Variants in RBFOX3 observed in about 807,000 individuals in gnomAD.
RBFOX3 encodes RNA binding fox-1 homolog 3, also known as RNA binding protein fox-1 homolog 3.
In RBFOX3, 17 loss-of-function variants were observed where a neutral mutation model predicts 48.7. The observed-to-expected ratio is 0.35, with a 90% CI of 0.24 to 0.52. RBFOX3 has a LOEUF of 0.52. Among genes scored for constraint, RBFOX3 ranks in the 20% least tolerant of loss-of-function variants. The pLI is 0.94. For synonymous variants in RBFOX3, 212 were observed against 209.5 expected, an observed-to-expected ratio of 1.01 and a Z score of -0.10; for missense variants, 382 against 497.5, an observed-to-expected ratio of 0.77 and a Z score of 2.21.
Position 79,090,403 on chromosome 17 carries a change from C to G in RBFOX3, c.*480G>C, listed in dbSNP as rs1568103523. 6.4e-6 allele frequency: 1 copy of G among 156,630 alleles called. No individual in the cohort carries two copies. Among genetic ancestry groups the G allele is most frequent in the African/African-American group, 2.4e-5 (1 of 41,676 alleles). The allele number at this position is 156,630 out of a possible 1,614,324, so 9.7% of individuals were successfully genotyped here. A position where few individuals can be genotyped will look rare whatever the true frequency, so the allele number is the denominator to read the frequency against. On this transcript the variant is annotated 3_prime_UTR_variant, in exon 15 of 15. Coordinates refer to ENST00000693108, the MANE Select transcript of RBFOX3 (RefSeq NM_001350451.2). ...AAGCTGCCCGCACCCCTCAGCCCCG[C>G]CGGCCCCCTGGCACAGCTGGCCACA...
chr17:79,549,278 G>T (rs1271478032), intron 1 of RBFOX3, among the ~76,000 whole-genome samples: 1 of 152,224 alleles, frequency 6.6e-6, no homozygotes, highest in Non-Finnish European at 1.5e-5. Flanking sequence ...CAGCCTGCAG[G>T]TAGGAGCCTA....
chr17:79,626,904 G>A, the RBFOX3 span, among the ~76,000 whole-genome samples: 7 of 152,242 alleles, frequency 4.6e-5, no homozygotes, highest in South Asian at 1.4e-3. Flanking sequence ...AAGACCCATG[G>A]AAGCCTGGAG....
chr17:79,132,408 G>A (rs534534849), intron 4 of RBFOX3, among the ~76,000 whole-genome samples: 7 of 152,350 alleles, frequency 4.6e-5, no homozygotes, highest in South Asian at 2.1e-4. Flanking sequence ...CGTCCCTGCC[G>A]TGGTCTGAGG....
chr17:79,229,385 CATCTCTACTAAAAA>C (rs572159234), intron 4 of RBFOX3, among the ~76,000 whole-genome samples: 2,397 of 151,186 alleles, frequency 0.016, 42 homozygotes, highest in Non-Finnish European at 0.023. Flanking sequence ...GGTGAAACAC[CATCTCTACTAAAAA>C]TACAAAAAAA....
chr17:79,219,108 C>CT lies in RBFOX3; in HGVS notation c.-34+16657dup, dbSNP rs200206342. Among the ~76,000 whole-genome samples the CT allele has an allele frequency of 1.3e-3, 199 of 152,312 alleles. 6 individuals carry two copies. The East Asian group carries it at 0.037, about 29-fold the overall frequency. On this transcript the variant is annotated intron_variant, in intron 4 of 14. Transcript: ENST00000693108. ...GCCCTCCCAGTGGGGCTCCAGGGCC[C>CT]TTGAGCCCTTCTCCTGGTGATGGGG...
intron 3 of RBFOX3, among the ~76,000 whole-genome samples, chr17:79,288,787 C>T (rs887992093): frequency 2.0e-5 from 3 of 152,072 alleles, no homozygotes; most frequent in Non-Finnish European, 4.4e-5. Flanking sequence ...AATGACCCCC[C>T]CAATTGATAT....
At chr17:79,321,026 G>A (rs781648352) in intron 2 of RBFOX3, among the ~76,000 whole-genome samples, 1 of 152,172 alleles carries the variant, frequency 6.6e-6, no homozygotes, top group African/African-American at 2.4e-5. Context: ...GAGGCCCAAG[G>A]GTCCCAACAG....
At chr17:79,490,098 C>T (rs2080273466) in intron 1 of RBFOX3, among the ~76,000 whole-genome samples, 1 of 152,190 alleles carries the variant, frequency 6.6e-6, no homozygotes, top group African/African-American at 2.4e-5. Flanking sequence ...TCCTGGCTCC[C>T]CTCATGCCTT....
chr17:79,576,222 T>G (rs2092851125), intron 1 of RBFOX3, among the ~76,000 whole-genome samples: 1 of 152,216 alleles, frequency 6.6e-6, no homozygotes, highest in Admixed American at 6.5e-5. Context: ...TCCTAGGAAT[T>G]TCAGACTTGC....
chr17:79,230,996 T>C (rs903135511), intron 4 of RBFOX3, among the ~76,000 whole-genome samples: 1 of 150,460 alleles, frequency 6.6e-6, no homozygotes, highest in Non-Finnish European at 1.5e-5. Flanking sequence ...CGAGATACAG[T>C]GAAGGGCAGT....
intron 4 of RBFOX3, among the ~76,000 whole-genome samples, chr17:79,232,063 A>G (rs914882897): frequency 6.6e-6 from 1 of 152,218 alleles, no homozygotes; most frequent in Non-Finnish European, 1.5e-5. Context: ...TTACAAAACC[A>G]TCAGATCTCG....
rs140738910 is a variant in RBFOX3, at chr17:79,419,483, G to C, written c.-175+62971C>G. Among the ~76,000 whole-genome samples the C allele has an allele frequency of 9.3e-4, 142 of 152,334 alleles. 2 individuals are homozygous for C. The East Asian group carries it at 0.023, about 25-fold the overall frequency. ...ACGAGGACCACCCAGTGCTCACAAT[G>C]GTTGCCTGTGTGCATGTACACACAC... On this transcript the variant is annotated intron_variant, in intron 2 of 14. Transcript: ENST00000693108.
chr17:79,548,125 C>T (rs971433856), intron 1 of RBFOX3, among the ~76,000 whole-genome samples: 2 of 152,248 alleles, frequency 1.3e-5, no homozygotes, highest in Admixed American at 6.5e-5. Context: ...CTGGGAACCT[C>T]GCCCAGTGCG....
rs141845690 is a variant in RBFOX3 at position 79,182,171 on chromosome 17, G to A, written c.-34+53595C>T. On this transcript the variant is annotated intron_variant, in intron 4 of 14. Coordinates refer to ENST00000693108, the MANE Select transcript of RBFOX3 (RefSeq NM_001350451.2). ...GCCCCCAACACGGGGTGCAGAACGCGTCCTATGGGAACCCCTCTCACTGGG... is the reference window on the plus strand; with the variant it reads ...GCCCCCAACACGGGGTGCAGAACGCATCCTATGGGAACCCCTCTCACTGGG... 6.6e-4 allele frequency among the ~76,000 whole-genome samples: 100 copies of A among 152,254 alleles called. No homozygotes were observed. In the East Asian group the frequency reaches 0.01, roughly 16 times the overall value.
chr17:79,165,279 A>G (rs1437835162), intron 4 of RBFOX3, among the ~76,000 whole-genome samples: 1 of 152,160 alleles, frequency 6.6e-6, no homozygotes, highest in African/African-American at 2.4e-5. Context: ...GGGAGGGAGG[A>G]GGAAAAAACC....
chr17:79,404,652 T>A (rs1382970575), intron 2 of RBFOX3, among the ~76,000 whole-genome samples: 1 of 142,320 alleles, frequency 7.0e-6, no homozygotes, highest in East Asian at 2.0e-4. Context: ...CTGGCCCTCC[T>A]CACCACCCCT....
intron 2 of RBFOX3, among the ~76,000 whole-genome samples, chr17:79,417,795 C>G (rs954509143): frequency 6.6e-6 from 1 of 152,254 alleles, no homozygotes; most frequent in Non-Finnish European, 1.5e-5. Flanking sequence ...GCATCACTCT[C>G]AATAGCCACA....
intron 3 of RBFOX3, among the ~76,000 whole-genome samples, chr17:79,288,584 C>T (rs1765847153): frequency 6.6e-6 from 1 of 152,090 alleles, no homozygotes. Context: ...CACGTCTCTC[C>T]CCACCTCCTG....
At chr17:79,615,175 C>A (rs967615325), upstream of RBFOX3, among the ~76,000 whole-genome samples, 1 of 152,162 alleles carries the variant, frequency 6.6e-6, no homozygotes, top group Non-Finnish European at 1.5e-5. Flanking sequence ...ACAAAGCGTG[C>A]CTTCAAAAGC....
Sources: allele counts gnomAD v4.1 joint callset (sites outside exome capture counted in the v4.1 genomes callset), GRCh38; gene constraint gnomAD v4.1.1; transcripts MANE v1.5; gene names NCBI Gene and HGNC (gene_info 2026-07-23, HGNC 2026-07-21).